The following METAP1D variants were observed in gnomAD, a reference collection of about 807,000 sequenced individuals.
METAP1D encodes methionine aminopeptidase 1D, mitochondrial.
METAP1D carries 31 observed loss-of-function variants against 40.5 expected under a neutral mutation model. That is an observed-to-expected ratio of 0.77 (90% CI 0.58 to 1.03). METAP1D has a LOEUF of 1.03. Among genes scored for constraint, METAP1D ranks in the 50% least tolerant of loss-of-function variants. METAP1D has a pLI of 0.00. For missense variants in METAP1D, 411 were observed against 420.7 expected, an observed-to-expected ratio of 0.98 and a Z score of 0.20; for synonymous variants, 151 against 146.4, an observed-to-expected ratio of 1.03 and a Z score of -0.22.
At position 172,045,753 on chromosome 2, in the gene METAP1D, A is replaced by ATATATG. The variant is rs1559010140; in HGVS notation, c.41-15743_41-15738dup. Among the ~76,000 whole-genome samples the ATATATG allele has an allele frequency of 2.4e-5, 2 of 84,608 alleles. 1 individual carries two copies. Among genetic ancestry groups the ATATATG allele is most frequent in the Admixed American group, 2.5e-4 (2 of 8,100 alleles). The allele number at this position is 84,608 out of a possible 152,430, so 55.5% of individuals were successfully genotyped here. ...TGTGTATATATATGTGTATATATGT[A>ATATATG]TATATGTGTGTATATATGTATATAT... is the stretch of plus-strand genomic sequence containing the variant. On this transcript the variant is annotated intron_variant, in intron 1 of 9. Transcript: ENST00000315796.
intron 3 of METAP1D, 157 bp downstream of exon 3, chr2:172,064,017 T>G (rs542089018): frequency 5.6e-6 from 5 of 894,034 alleles, no homozygotes; most frequent in Non-Finnish European, 7.6e-6. Flanking sequence ...AAGTAAAGCC[T>G]TGGGATGGGG....
rs532947184 is a variant in METAP1D, at chr2:172,062,751, GA to G, written c.199-959del. Among the ~76,000 whole-genome samples, 6 of 152,290 alleles carry G rather than the reference GA, an allele frequency of 3.9e-5. No individual in the cohort carries two copies. The East Asian group carries it at 9.6e-4, about 24-fold the overall frequency. ...TATCAGAAAACCCATCTGAACAGGG[GA>G]GCAAGTGAAGACCCGTAACTCCTGC... On this transcript the variant is annotated intron_variant, in intron 2 of 9. Coordinates refer to ENST00000315796, the MANE Select transcript of METAP1D (RefSeq NM_199227.3).
chr2:172,033,900 AC>A (rs1214758647), intron 1 of METAP1D, among the ~76,000 whole-genome samples: 1 of 151,504 alleles, frequency 6.6e-6, no homozygotes. Flanking sequence ...ACATGGTGAA[AC>A]CCTGTCTCAA....
intron 1 of METAP1D, among the ~76,000 whole-genome samples, chr2:172,028,066 A>G (rs1436643061): frequency 6.6e-6 from 1 of 152,230 alleles, no homozygotes; most frequent in Non-Finnish European, 1.5e-5. Context: ...ATGGGGAAAC[A>G]ATAGACGCAA....
chr2:172,066,331 T>C (rs752780530), intron 5 of METAP1D, 25 bp downstream of exon 5: 1 of 1,594,080 alleles, frequency 6.3e-7, no homozygotes, highest in Non-Finnish European at 8.6e-7. Context: ...TAAAAAATTG[T>C]CTTTGATCAA....
At chr2:172,080,052 T>C (rs1690663059) in intron 8 of METAP1D, 76 bp from the exon 9 acceptor site, 1 of 1,369,258 alleles carries the variant, frequency 7.3e-7, no homozygotes, top group Non-Finnish European at 1.0e-6. Context: ...AACTTCTCTT[T>C]TTTAATAATC....
intron 3 of METAP1D, 125 bp downstream of exon 3, chr2:172,063,985 A>C: frequency 8.3e-7 from 1 of 1,208,132 alleles, no homozygotes; most frequent in South Asian, 2.9e-5. Context: ...ATTTGTTTTA[A>C]ATTAATTTGT....
chr2:172,018,190 G>GTAT (rs912583855), intron 1 of METAP1D, among the ~76,000 whole-genome samples: 13 of 150,300 alleles, frequency 8.6e-5, no homozygotes, highest in African/African-American at 2.9e-4. Context: ...AATATGACAC[G>GTAT]TATAAGGGCA....
At chr2:172,014,801 C>T (rs1230203135) in intron 1 of METAP1D, among the ~76,000 whole-genome samples, 4 of 152,056 alleles carry the variant, frequency 2.6e-5, no homozygotes, top group South Asian at 2.1e-4. Flanking sequence ...TACAGGCGCC[C>T]GCCAGCACAC....
chr2:172,079,155 G>GTTTTT, intron 7 of METAP1D, 60 bp from the exon 8 acceptor site: 1 of 1,374,244 alleles, frequency 7.3e-7, no homozygotes, highest in Non-Finnish European at 1.0e-6. Flanking sequence ...CCTGTAATCT[G>GTTTTT]TTTTTTTTTT....
intron 1 of METAP1D, among the ~76,000 whole-genome samples, chr2:172,025,454 G>A (rs935981770): frequency 6.6e-6 from 1 of 151,714 alleles, no homozygotes; most frequent in African/African-American, 2.4e-5. Flanking sequence ...TCAGCCTCCC[G>A]AGTAGCTGGG....
At chr2:172,059,791 C>T (rs1446676793) in intron 1 of METAP1D, among the ~76,000 whole-genome samples, 3 of 152,184 alleles carry the variant, frequency 2.0e-5, no homozygotes. Flanking sequence ...GTGGCTACGC[C>T]CGTAATCCCA....
intron 1 of METAP1D, among the ~76,000 whole-genome samples, chr2:172,023,064 T>C (rs1689042222): frequency 6.6e-6 from 1 of 152,188 alleles, no homozygotes; most frequent in South Asian, 2.1e-4. Flanking sequence ...GGCACATGCC[T>C]GTAATTCCAG....
At chr2:172,005,287 T>G (rs1688552121) in intron 1 of METAP1D, among the ~76,000 whole-genome samples, 1 of 151,904 alleles carries the variant, frequency 6.6e-6, no homozygotes, top group Non-Finnish European at 1.5e-5. Context: ...TTGTACCCAG[T>G]ATGTTTTCTT....
chr2:172,049,093 T>C (rs764156132), intron 1 of METAP1D, among the ~76,000 whole-genome samples: 9 of 152,168 alleles, frequency 5.9e-5, no homozygotes, highest in Non-Finnish European at 1.0e-4. Flanking sequence ...CAAACGGTCT[T>C]CCCACCCCAA....
rs550913394 is a variant in METAP1D, at chr2:172,042,191, G to A, written c.41-19307G>A. On this transcript the variant is annotated intron_variant, in intron 1 of 9. Transcript: ENST00000315796. ...CACATATACATATGTATGTGTACAT[G>A]TGTACACATATACATATGTATGTGT... Among the ~76,000 whole-genome samples the A allele has an allele frequency of 2.7e-3, 188 of 68,442 alleles. 48 individuals carry two copies. Among genetic ancestry groups the A allele is most frequent in the Non-Finnish European group, 5.2e-3 (125 of 23,986 alleles). 44.9% of individuals were successfully genotyped at this position (68,442 alleles called of 152,430 possible).
At position 172,061,505 on chromosome 2, in the gene METAP1D, T is replaced by G; in HGVS notation, c.48T>G (p.His16Gln). The change falls in exon 2 of 10, where the codon CAT becomes CAG. Residue 16 changes from histidine (H) to glutamine (Q), a missense_variant. Physicochemically the swap from His to Gln is conservative, Grantham distance 24. Coordinates refer to ENST00000315796, the MANE Select transcript of METAP1D (RefSeq NM_199227.3). ...GVHLLVRRGSHRIFSSPLNHI... is the reference protein window; with the variant it reads ...GVHLLVRRGSQRIFSSPLNHI... ...GTCTGTTTCTGCTCACAGGTTCTCA[T>G]AGAATTTTCTCTTCACCACTCAATC... 1.2e-6 allele frequency: 2 copies of G among 1,610,362 alleles called. No homozygotes were observed. Among genetic ancestry groups the G allele is most frequent in the Non-Finnish European group, 1.7e-6 (2 of 1,178,648 alleles).
intron 1 of METAP1D, among the ~76,000 whole-genome samples, chr2:172,046,587 G>C (rs1689768884): frequency 6.6e-6 from 1 of 152,134 alleles, no homozygotes; most frequent in Non-Finnish European, 1.5e-5. Flanking sequence ...GGAAGTGGAG[G>C]TGGTTGCATG....
intron 1 of METAP1D, among the ~76,000 whole-genome samples, chr2:172,055,221 C>T (rs566643072): frequency 9.2e-5 from 14 of 152,240 alleles, no homozygotes; most frequent in African/African-American, 2.4e-4. Flanking sequence ...GTGTGGGAGA[C>T]GGAGGGACTA....
Sources: gnomAD v4.1 joint callset for allele counts (sites outside exome capture counted in the v4.1 genomes callset) on GRCh38, gnomAD v4.1.1 for gene constraint, MANE v1.5 for transcripts, NCBI Gene and HGNC (gene_info 2026-07-23, HGNC 2026-07-21) for gene names.